The following ZNF98 variants were observed in gnomAD, a reference collection of about 807,000 sequenced individuals.
The protein encoded by ZNF98 is zinc finger protein 98, also known as zinc finger protein 739.
ZNF98 carries 8 observed loss-of-function variants against 12.8 expected under a neutral mutation model. The observed-to-expected ratio is 0.63, with a 90% CI of 0.37 to 1.13. ZNF98 has a LOEUF of 1.13. ZNF98 is among the 50% of genes most tolerant of loss of function. The pLI is 0.01. For synonymous variants in ZNF98, 112 were observed against 223.5 expected (o/e 0.50, Z 4.45); for missense variants, 379 against 666.1 (o/e 0.57, Z 4.74).
intron 1 of ZNF98, among the ~76,000 whole-genome samples, chr19:22,407,348 T>C (rs1328425160): frequency 6.8e-6 from 1 of 147,642 alleles, no homozygotes; most frequent in East Asian, 2.2e-4. Context: ...TGAGCCACTG[T>C]GCCCAGTCCT....
At chr19:22,413,566 A>G (rs1486929164) in intron 1 of ZNF98, among the ~76,000 whole-genome samples, 3 of 152,090 alleles carry the variant, frequency 2.0e-5, no homozygotes, top group African/African-American at 2.4e-5. Context: ...CTGTGAAAAC[A>G]CTGCTTAAGG....
At chr19:22,396,843 G>A (rs577794658) in intron 3 of ZNF98, among the ~76,000 whole-genome samples, 8 of 152,270 alleles carry the variant, frequency 5.3e-5, no homozygotes, top group Admixed American at 3.3e-4. Context: ...GATTTAGGCT[G>A]GGCATGGTGG....
intron 1 of ZNF98, among the ~76,000 whole-genome samples, chr19:22,407,328 A>T (rs539937127): frequency 1.4e-5 from 2 of 147,888 alleles, no homozygotes; most frequent in Admixed American, 6.7e-5. Flanking sequence ...AAGTGCTGGG[A>T]TTACAGGCGT....
chr19:22,397,212 T>TGTGTGTGTGTGTGTGTG (rs1555703682), intron 3 of ZNF98, among the ~76,000 whole-genome samples: 5 of 145,220 alleles, frequency 3.4e-5, no homozygotes, highest in African/African-American at 1.3e-4. Context: ...GTGTGTGTTT[T>TGTGTGTGTGTGTGTGTG]TGTGTGTGTG....
In ZNF98 at chr19:22,403,478, A is replaced by G. The variant is rs748429533; in HGVS notation, c.65T>C (p.Phe22Ser). 2.5e-6 allele frequency: 4 copies of G among 1,609,110 alleles called. No individual in the cohort carries two copies. The East Asian group carries it at 6.7e-5, about 27-fold the overall frequency. Residue 22 changes from phenylalanine to serine, a missense_variant, in exon 2 of 4, where the codon TTC becomes TCC. Coordinates refer to ENST00000357774, the MANE Select transcript of ZNF98 (RefSeq NM_001098626.2). The part of the protein sequence containing the change: ...VLTFRDVALE[F>S]SLEEWQCLDT... Reference sequence around the variant, plus strand: ...CAGGCATTGCCACTCCTCCAGAGAGAATTCTAAGGCCACATCCCTAAATGT... The same window carrying G: ...CAGGCATTGCCACTCCTCCAGAGAGGATTCTAAGGCCACATCCCTAAATGT...
At chr19:22,403,049 G>T (rs550115975) in intron 2 of ZNF98, among the ~76,000 whole-genome samples, 165 bp from the exon 3 acceptor site, 1 of 151,786 alleles carries the variant, frequency 6.6e-6, no homozygotes, top group South Asian at 2.1e-4. Flanking sequence ...AATTTTGTAA[G>T]TTCTTAATTT....
At chr19:22,420,976 AAT>A (rs1969697457) in intron 1 of ZNF98, among the ~76,000 whole-genome samples, 2 of 152,184 alleles carry the variant, frequency 1.3e-5, no homozygotes, top group South Asian at 4.1e-4. Flanking sequence ...TTCAATTTTA[AAT>A]AGTTTTATTT....
At chr19:22,411,763 A>G (rs1163997335) in intron 1 of ZNF98, among the ~76,000 whole-genome samples, 1 of 152,254 alleles carries the variant, frequency 6.6e-6, no homozygotes, top group Admixed American at 6.5e-5. Context: ...ATGTGAATAA[A>G]GCCTCTTATT....
intron 1 of ZNF98, among the ~76,000 whole-genome samples, chr19:22,405,026 T>C (rs1174904791): frequency 6.6e-6 from 1 of 152,130 alleles, no homozygotes; most frequent in Non-Finnish European, 1.5e-5. Context: ...TTGCAGTTCA[T>C]AAATTCATGG....
chr19:22,413,126 A>G (rs1291215534), intron 1 of ZNF98, among the ~76,000 whole-genome samples: 1 of 152,134 alleles, frequency 6.6e-6, no homozygotes. Flanking sequence ...CCCACAGACA[A>G]CATACTGAAT....
intron 1 of ZNF98, among the ~76,000 whole-genome samples, chr19:22,415,237 G>A (rs1023950557): frequency 6.6e-6 from 1 of 152,154 alleles, no homozygotes; most frequent in South Asian, 2.1e-4. Context: ...TGCTGGCAAG[G>A]TTACAGGAAT....
At chr19:22,398,901 AAAAT>A (rs1485536909) in intron 3 of ZNF98, among the ~76,000 whole-genome samples, 2 of 152,206 alleles carry the variant, frequency 1.3e-5, no homozygotes, top group East Asian at 3.9e-4. Flanking sequence ...CAGCTAAGAA[AAAAT>A]ATATACAAGA....
At chr19:22,415,399 G>A (rs566253460) in intron 1 of ZNF98, among the ~76,000 whole-genome samples, 3 of 152,214 alleles carry the variant, frequency 2.0e-5, no homozygotes, top group South Asian at 2.1e-4. Context: ...AAAGACATAC[G>A]CATGTTCATT....
At chr19:22,398,557 A>G (rs1969422461) in intron 3 of ZNF98, among the ~76,000 whole-genome samples, 2 of 151,814 alleles carry the variant, frequency 1.3e-5, no homozygotes, top group African/African-American at 4.8e-5. Context: ...TGAGGTTTCC[A>G]TATGTCTTCC....
chr19:22,392,521 G>A lies in ZNF98; in HGVS notation c.714C>T (p.Tyr238=). 6.2e-7 allele frequency: 1 copy of A among 1,605,034 alleles called. No homozygotes were observed. The stretch of plus-strand genomic sequence containing the variant: ...AGGCTTTTCCACACTCTTCGCATTT[G>A]TAGGGTTTCTTTCCAGTATGAATTC... ...HKRIHTGKKP[Y]KCEECGKAFN... The change falls in exon 4 of 4, where the codon TAC becomes TAT. Residue 238 remains tyrosine, a synonymous_variant. Coordinates refer to ENST00000357774, the MANE Select transcript of ZNF98 (RefSeq NM_001098626.2).
Position 22,392,646 on chromosome 19 carries a change from A to C in ZNF98, c.589T>G (p.Leu197Val), listed in dbSNP as rs1341618206. 3.1e-6 allele frequency: 5 copies of C among 1,588,582 alleles called. No homozygotes were observed. In the Admixed American group the frequency reaches 9.1e-5, roughly 29 times the overall value. The change falls in exon 4 of 4, where the codon TTA (leucine) becomes GTA (valine). Residue 197 changes from leucine (L) to valine (V), a missense_variant. By Grantham distance (32) the Leu-to-Val change is conservative. This residue lies in a region of ZNF98 where 223 missense variants were observed against 261.6 expected (regional missense o/e 0.85). Transcript: ENST00000357774. ...CEKSFCMLSH[L>V]AQHKRIHSGE... ...CTATGAATTCTTTTATGTTGAGCTA[A>C]GTGTGAAAGCATGCAAAATGACTTT... is the stretch of plus-strand genomic sequence containing the variant.
chr19:22,413,784 G>T (rs753517787), intron 1 of ZNF98, among the ~76,000 whole-genome samples: 1 of 147,214 alleles, frequency 6.8e-6, no homozygotes, highest in Non-Finnish European at 1.5e-5. Flanking sequence ...CAGGAGAATC[G>T]CTTGAACCCG....
intron 2 of ZNF98, 89 bp downstream of exon 2, chr19:22,403,297 G>GCATA: frequency 7.5e-7 from 1 of 1,341,608 alleles, no homozygotes; most frequent in South Asian, 1.6e-5. Flanking sequence ...AGATCTGAAA[G>GCATA]CATAAACTAC....
chr19:22,397,209 T>TGTGTGTG (rs3084809), intron 3 of ZNF98, among the ~76,000 whole-genome samples: 30 of 133,596 alleles, frequency 2.2e-4, no homozygotes, highest in African/African-American at 7.6e-4. Flanking sequence ...TGTGTGTGTG[T>TGTGTGTG]TTTTGTGTGT....
Sources: allele counts gnomAD v4.1 joint callset (sites outside exome capture counted in the v4.1 genomes callset), GRCh38; gene constraint gnomAD v4.1.1; regional missense constraint gnomAD v4.1.1; transcripts MANE v1.5; gene names NCBI Gene and HGNC (gene_info 2026-07-23, HGNC 2026-07-21).